The following RARB variants were observed in gnomAD, a reference collection of about 807,000 sequenced individuals.
The protein encoded by RARB is HBV-activated protein.
Under a neutral mutation model 51.9 loss-of-function variants are expected in RARB, and 17 were observed. That is an observed-to-expected ratio of 0.33 (90% CI 0.22 to 0.49). The LOEUF (loss-of-function observed/expected upper bound fraction) is 0.49. RARB is among the 20% of genes least tolerant of loss of function. The pLI is 0.99. For missense variants in RARB, 369 were observed against 550.8 expected, an observed-to-expected ratio of 0.67 and a Z score of 3.30; for synonymous variants, 215 against 195.4, an observed-to-expected ratio of 1.10 and a Z score of -0.84.
chr3:25,394,198 G>A (rs1301855322), intron 5 of RARB, among the ~76,000 whole-genome samples: 3 of 152,054 alleles, frequency 2.0e-5, no homozygotes, highest in Non-Finnish European at 4.4e-5. Flanking sequence ...CCATGTATTT[G>A]CATGGTTTTG....
chr3:25,403,112 G>T (rs569889816), intron 5 of RARB, among the ~76,000 whole-genome samples: 1 of 148,452 alleles, frequency 6.7e-6, no homozygotes, highest in Admixed American at 6.7e-5. Context: ...GCAGTGAGCT[G>T]AGATCGTGCC....
At chr3:24,951,387 T>G (rs953382625) in intron 2 of RARB, among the ~76,000 whole-genome samples, 2 of 152,176 alleles carry the variant, frequency 1.3e-5, no homozygotes, top group Non-Finnish European at 2.9e-5. Flanking sequence ...AGGCCACGTG[T>G]GCAGTGCTGA....
At chr3:25,104,031 T>C (rs1301921399) in intron 3 of RARB, among the ~76,000 whole-genome samples, 1 of 152,212 alleles carries the variant, frequency 6.6e-6, no homozygotes, top group Non-Finnish European at 1.5e-5. Flanking sequence ...GTACAGTTTC[T>C]ACCTTTGGAC....
At chr3:25,206,134 T>C (rs1701539270) in intron 5 of RARB, among the ~76,000 whole-genome samples, 1 of 152,216 alleles carries the variant, frequency 6.6e-6, no homozygotes, top group Non-Finnish European at 1.5e-5. Flanking sequence ...ATCATCTGTA[T>C]AGATGATGAT....
chr3:25,547,754 G>A (rs1223054040), intron 3 of RARB, among the ~76,000 whole-genome samples: 1 of 152,178 alleles, frequency 6.6e-6, no homozygotes, highest in East Asian at 1.9e-4. Flanking sequence ...ATGGACGAAT[G>A]GACATAGAGA....
chr3:24,879,400 G>A (rs1033538583), intron 2 of RARB, among the ~76,000 whole-genome samples: 2 of 150,722 alleles, frequency 1.3e-5, no homozygotes, highest in African/African-American at 4.9e-5. Context: ...CTGCATTCCA[G>A]CCTGGGCGAC....
intron 2 of RARB, among the ~76,000 whole-genome samples, chr3:24,904,524 G>C (rs1694806629): frequency 6.6e-6 from 1 of 152,198 alleles, no homozygotes; most frequent in African/African-American, 2.4e-5. Flanking sequence ...GGATGCTGGA[G>C]AGGATGTGGA....
intron 2 of RARB, among the ~76,000 whole-genome samples, chr3:25,020,923 C>A (rs529662461): frequency 6.6e-6 from 1 of 152,186 alleles, no homozygotes; most frequent in South Asian, 2.1e-4. Flanking sequence ...GAGCCGAGAT[C>A]GTGCCACTGC....
At chr3:25,354,204 C>T (rs61694119) in intron 5 of RARB, among the ~76,000 whole-genome samples, 28,295 of 152,020 alleles carry the variant, frequency 0.19, 3,369 homozygotes, top group Admixed American at 0.31. Context: ...TCAAGTTAGA[C>T]AAGTCTATAA....
At chr3:25,216,232 A>C (rs1701829382) in intron 5 of RARB, among the ~76,000 whole-genome samples, 1 of 152,152 alleles carries the variant, frequency 6.6e-6, no homozygotes, top group Admixed American at 6.5e-5. Context: ...CCCCCACAAG[A>C]GGAATCACTG....
At chr3:25,035,986 G>A (rs750051992) in intron 2 of RARB, among the ~76,000 whole-genome samples, 47 of 152,200 alleles carry the variant, frequency 3.1e-4, no homozygotes, top group African/African-American at 1.1e-3. Flanking sequence ...ACCCTTCATA[G>A]CAGGCAGAAC....
At chr3:25,190,735 A>ATT (rs1420893622) in intron 5 of RARB, among the ~76,000 whole-genome samples, 1 of 152,068 alleles carries the variant, frequency 6.6e-6, no homozygotes, top group Admixed American at 6.6e-5. Flanking sequence ...CCACTTCTAG[A>ATT]TTTTTTTCTT....
chr3:25,277,176 G>T (rs1241307203), intron 5 of RARB, among the ~76,000 whole-genome samples: 1 of 152,154 alleles, frequency 6.6e-6, no homozygotes, highest in Non-Finnish European at 1.5e-5. Context: ...AAATGTTACT[G>T]GTAAGGAAGA....
intron 2 of RARB, among the ~76,000 whole-genome samples, chr3:24,923,741 G>A (rs534927203): frequency 8.5e-5 from 13 of 152,076 alleles, no homozygotes; most frequent in African/African-American, 2.2e-4. Context: ...GAACATAAAC[G>A]GGCCTGAGCA....
chr3:25,317,761 C>T (rs767836873), intron 5 of RARB, among the ~76,000 whole-genome samples: 1 of 152,136 alleles, frequency 6.6e-6, no homozygotes, highest in Non-Finnish European at 1.5e-5. Context: ...TTATAATTAT[C>T]ATCTCAACTA....
intron 1 of RARB, among the ~76,000 whole-genome samples, chr3:24,833,651 C>G (rs533678219): frequency 6.6e-6 from 1 of 152,200 alleles, no homozygotes; most frequent in Non-Finnish European, 1.5e-5. Flanking sequence ...TCTCTTTAGT[C>G]TTCCTCATTT....
At chr3:25,135,580 T>A (rs1700020229) in intron 4 of RARB, among the ~76,000 whole-genome samples, 1 of 152,010 alleles carries the variant, frequency 6.6e-6, no homozygotes, top group South Asian at 2.1e-4. Context: ...TGAGCCACTC[T>A]GGGACTCTTG....
At chr3:25,523,926 C>T (rs543737542) in intron 3 of RARB, among the ~76,000 whole-genome samples, 111 of 152,034 alleles carry the variant, frequency 7.3e-4, no homozygotes, top group Non-Finnish European at 1.3e-3. Context: ...TCTCTCATTC[C>T]CATTCCTATA....
In RARB at chr3:25,569,868, G is replaced by T; in HGVS notation, c.559G>T (p.Ala187Ser). 6.2e-7 allele frequency: 1 copy of T among 1,614,192 alleles called. No homozygotes were observed. Among genetic ancestry groups the T allele is most frequent in the Non-Finnish European group, 8.5e-7 (1 of 1,180,036 alleles). ...LDDLTEKIRK[A>S]HQETFPSLCQ... is the part of the protein sequence containing the mutation. Reference sequence around the variant, plus strand: ...CGATCTCACAGAGAAGATCCGAAAAGCTCACCAGGAAACTTTCCCTTCACT... The same window carrying T: ...CGATCTCACAGAGAAGATCCGAAAATCTCACCAGGAAACTTTCCCTTCACT... Residue 187 changes from alanine (A) to serine (S), a missense_variant, in exon 4 of 8, where the codon GCT (alanine) becomes TCT (serine). Transcript: ENST00000330688.
Sources: gnomAD v4.1 joint callset for allele counts (sites outside exome capture counted in the v4.1 genomes callset) on GRCh38, gnomAD v4.1.1 for gene constraint, MANE v1.5 for transcripts, NCBI Gene and HGNC (gene_info 2026-07-23, HGNC 2026-07-21) for gene names.